Variants in AUTS2 observed in about 807,000 individuals in gnomAD.
AUTS2 encodes the protein activator of transcription and developmental regulator AUTS2, also known as autism susceptibility gene 2 protein.
AUTS2 carries 17 observed loss-of-function variants against 112.4 expected under a neutral mutation model. The observed-to-expected ratio is 0.15, with a 90% CI of 0.10 to 0.23. The LOEUF is 0.23. Among genes scored for constraint, AUTS2 ranks in the 10% least tolerant of loss-of-function variants. The pLI is 1.00. For synonymous variants in AUTS2, 751 were observed against 702.7 expected (o/e 1.07, Z -1.09); for missense variants, 1,510 against 1,701.6 (o/e 0.89, Z 1.98).
intron 2 of AUTS2, among the ~76,000 whole-genome samples, chr7:70,029,605 T>G (rs924492285): frequency 6.6e-6 from 1 of 152,184 alleles, no homozygotes; most frequent in Non-Finnish European, 1.5e-5. Flanking sequence ...AAACTAGGTT[T>G]TAAACCTTAA....
intron 2 of AUTS2, among the ~76,000 whole-genome samples, chr7:69,997,041 C>T (rs1798979338): frequency 6.6e-6 from 1 of 150,822 alleles, no homozygotes; most frequent in South Asian, 2.1e-4. Flanking sequence ...TTTGTTTAAG[C>T]TTCTCTGGTG....
intron 5 of AUTS2, among the ~76,000 whole-genome samples, chr7:70,632,292 C>T (rs1360505107): frequency 6.6e-6 from 1 of 152,074 alleles, no homozygotes; most frequent in African/African-American, 2.4e-5. Context: ...GAAGGAGGCC[C>T]CAGCGAAAGG....
chr7:70,302,355 TGA>T (rs1344247933), intron 4 of AUTS2, among the ~76,000 whole-genome samples: 2 of 151,820 alleles, frequency 1.3e-5, no homozygotes, highest in Non-Finnish European at 2.9e-5. Flanking sequence ...CAGTGAGCTA[TGA>T]TTGTGCCACT....
intron 5 of AUTS2, among the ~76,000 whole-genome samples, chr7:70,613,330 G>A (rs1435575387): frequency 3.3e-5 from 5 of 152,052 alleles, no homozygotes; most frequent in Non-Finnish European, 7.4e-5. Context: ...CAAGGCTGTA[G>A]AGACATTTCC....
At chr7:69,695,258 G>A (rs1797507811) in intron 1 of AUTS2, among the ~76,000 whole-genome samples, 1 of 152,104 alleles carries the variant, frequency 6.6e-6, no homozygotes, top group Non-Finnish European at 1.5e-5. Context: ...GAGCCCCAGA[G>A]ATCAAGGCCG....
chr7:69,697,117 T>C (rs1397395548), intron 1 of AUTS2, among the ~76,000 whole-genome samples: 1 of 152,246 alleles, frequency 6.6e-6, no homozygotes, highest in African/African-American at 2.4e-5. Flanking sequence ...CTAGACCTCA[T>C]CCATAGTTTC....
intron 2 of AUTS2, among the ~76,000 whole-genome samples, chr7:70,019,564 T>C (rs759224984): frequency 6.6e-6 from 1 of 152,190 alleles, no homozygotes; most frequent in Non-Finnish European, 1.5e-5. Context: ...GTCAGTGACA[T>C]CTAGTAGATT....
At chr7:69,614,664 G>C (rs1024243428) in intron 1 of AUTS2, among the ~76,000 whole-genome samples, 2 of 151,698 alleles carry the variant, frequency 1.3e-5, no homozygotes, top group African/African-American at 4.8e-5. Context: ...TTTTTGGAGG[G>C]GTAGAAATGG....
chr7:70,398,315 G>A (rs2130032522), intron 4 of AUTS2, among the ~76,000 whole-genome samples: 1 of 152,230 alleles, frequency 6.6e-6, no homozygotes, highest in Admixed American at 6.5e-5. Context: ...TTGTCAACTT[G>A]TATGGAATCT....
intron 1 of AUTS2, among the ~76,000 whole-genome samples, chr7:69,747,845 A>C (rs1254405325): frequency 6.7e-6 from 1 of 149,080 alleles, no homozygotes; most frequent in Non-Finnish European, 1.5e-5. Context: ...GTGTGCCAGA[A>C]ATTATTTGCG....
At chr7:70,473,712 C>CT (rs112680628) in intron 5 of AUTS2, among the ~76,000 whole-genome samples, 1,729 of 130,550 alleles carry the variant, frequency 0.013, 34 homozygotes, top group African/African-American at 0.039. Flanking sequence ...TTTGGTGGGG[C>CT]TTTTTTTTTT....
chr7:70,644,155 A>G (rs547215589), intron 5 of AUTS2, among the ~76,000 whole-genome samples: 3 of 152,364 alleles, frequency 2.0e-5, no homozygotes, highest in East Asian at 1.9e-4. Flanking sequence ...CTGGAATTCA[A>G]CAATGAAGAA....
intron 1 of AUTS2, among the ~76,000 whole-genome samples, chr7:69,892,371 C>T (rs1222434226): frequency 1.3e-5 from 2 of 150,248 alleles, no homozygotes; most frequent in African/African-American, 2.4e-5. Flanking sequence ...CTCGAACTCC[C>T]GACCTCAGGC....
chr7:70,758,414 G>A (rs1320014707), intron 6 of AUTS2, among the ~76,000 whole-genome samples: 1 of 152,102 alleles, frequency 6.6e-6, no homozygotes, highest in African/African-American at 2.4e-5. Context: ...TACAAAAAAA[G>A]GGCCCATTTT....
At chr7:69,691,778 C>T (rs1262199760) in intron 1 of AUTS2, among the ~76,000 whole-genome samples, 3 of 152,138 alleles carry the variant, frequency 2.0e-5, no homozygotes, top group Non-Finnish European at 4.4e-5. Flanking sequence ...GCTGTGCCTC[C>T]CCTGCTGCAG....
intron 5 of AUTS2, among the ~76,000 whole-genome samples, chr7:70,651,672 T>C (rs1189603053): frequency 6.6e-6 from 1 of 152,190 alleles, no homozygotes; most frequent in Admixed American, 6.5e-5. Context: ...TTCTACTGAG[T>C]GCATATTGCT....
At chr7:70,676,409 G>A (rs1807913453) in intron 5 of AUTS2, among the ~76,000 whole-genome samples, 1 of 152,110 alleles carries the variant, frequency 6.6e-6, no homozygotes, top group Non-Finnish European at 1.5e-5. Flanking sequence ...TCCAGTCTGG[G>A]CGACAGAGCC....
In AUTS2 at chr7:70,157,747, C is replaced by T. The variant is rs895580276; in HGVS notation, c.660+23176C>T. 3.9e-5 allele frequency among the ~76,000 whole-genome samples: 6 copies of T among 152,186 alleles called. No individual in the cohort carries two copies. The South Asian group carries it at 1.0e-3, about 26-fold the overall frequency. On this transcript the variant is annotated intron_variant, in intron 4 of 18. Transcript: ENST00000342771. ...TTTTATAGCAAACATGATGTAGAGC[C>T]ACTGAAGGGTTTTATAGTTGCTGTC... is the stretch of plus-strand genomic sequence containing the variant.
chr7:70,577,406 C>A (rs1802216152), intron 5 of AUTS2, among the ~76,000 whole-genome samples: 1 of 152,184 alleles, frequency 6.6e-6, no homozygotes, highest in African/African-American at 2.4e-5. Context: ...TAAAAATCCT[C>A]CCCCCTCCCT....
Sources: allele counts gnomAD v4.1 joint callset (sites outside exome capture counted in the v4.1 genomes callset), GRCh38; gene constraint gnomAD v4.1.1; transcripts MANE v1.5; gene names NCBI Gene and HGNC (gene_info 2026-07-23, HGNC 2026-07-21).